TENM2: variants seen among roughly 807,000 people sequenced by gnomAD.
The protein encoded by TENM2 is teneurin-2.
In TENM2, 52 loss-of-function variants were observed where a neutral mutation model predicts 245.2. The observed-to-expected ratio is 0.21, with a 90% CI of 0.17 to 0.27. The LOEUF is 0.27. Ranked by LOEUF, TENM2 falls within the 10% of genes least tolerant of loss-of-function variation. The probability of loss-of-function intolerance (pLI) is 1.00; values close to 1 mark genes in which losing one functional copy is unlikely to be tolerated. For missense variants in TENM2, 3,046 were observed against 3,666.8 expected (o/e 0.83, Z 4.37); for synonymous variants, 1,363 against 1,438.9 (o/e 0.95, Z 1.19).
chr5:167,220,155 C>G, the TENM2 span, among the ~76,000 whole-genome samples: 1 of 152,092 alleles, frequency 6.6e-6, no homozygotes, highest in Non-Finnish European at 1.5e-5. Context: ...ATTTGTTTCC[C>G]CAAAAGTCAG....
At chr5:167,796,213 A>T (rs1765304828) in intron 2 of TENM2, among the ~76,000 whole-genome samples, 1 of 152,118 alleles carries the variant, frequency 6.6e-6, no homozygotes, top group Non-Finnish European at 1.5e-5. Flanking sequence ...GATCCTCTTG[A>T]TATATTCTTC....
chr5:167,828,039 A>G (rs1289534780), intron 2 of TENM2, among the ~76,000 whole-genome samples: 2 of 152,170 alleles, frequency 1.3e-5, no homozygotes, highest in African/African-American at 4.8e-5. Flanking sequence ...TTGCCTCTAC[A>G]TGACATTTAT....
the TENM2 span, among the ~76,000 whole-genome samples, chr5:167,018,449 G>A: frequency 4.6e-5 from 7 of 150,886 alleles, no homozygotes; most frequent in East Asian, 1.4e-3. Flanking sequence ...TAAACCAGAC[G>A]TCATCTCTGA....
intron 5 of TENM2, among the ~76,000 whole-genome samples, chr5:168,031,072 T>C (rs1200535462): frequency 1.3e-5 from 2 of 152,226 alleles, no homozygotes; most frequent in African/African-American, 4.8e-5. Flanking sequence ...ACCACTGATT[T>C]CACATGTGCA....
At chr5:168,243,154 G>T (rs1766259424) in intron 25 of TENM2, among the ~76,000 whole-genome samples, 4 of 152,080 alleles carry the variant, frequency 2.6e-5, no homozygotes, top group Admixed American at 2.0e-4. Context: ...CAGTGAAGTT[G>T]TGAGAGCCTG....
At chr5:167,450,392 G>T (rs1451872877) in intron 2 of TENM2, among the ~76,000 whole-genome samples, 1 of 152,042 alleles carries the variant, frequency 6.6e-6, no homozygotes, top group East Asian at 1.9e-4. Context: ...ATATTTGTTT[G>T]TCTGTTAATG....
At chr5:166,988,219 T>C in the TENM2 span, among the ~76,000 whole-genome samples, 5 of 152,194 alleles carry the variant, frequency 3.3e-5, no homozygotes, top group African/African-American at 1.2e-4. Context: ...TGTACATATC[T>C]CAATTCCAGT....
chr5:168,234,666 A>T (rs1390277740), intron 25 of TENM2, among the ~76,000 whole-genome samples: 1 of 151,886 alleles, frequency 6.6e-6, no homozygotes, highest in Non-Finnish European at 1.5e-5. Context: ...ACTGAAATCA[A>T]CCCCTTCTAT....
intron 7 of TENM2, among the ~76,000 whole-genome samples, chr5:168,078,765 C>T (rs1459242985): frequency 6.6e-6 from 1 of 152,084 alleles, no homozygotes; most frequent in African/African-American, 2.4e-5. Flanking sequence ...TTTCTGAGGG[C>T]TCTATTCTGT....
chr5:167,097,111 A>G, the TENM2 span, among the ~76,000 whole-genome samples: 1 of 152,040 alleles, frequency 6.6e-6, no homozygotes. Flanking sequence ...CGCCCGAGAG[A>G]GTCAAACGCT....
chr5:167,008,829 C>T, the TENM2 span, among the ~76,000 whole-genome samples: 2 of 152,076 alleles, frequency 1.3e-5, no homozygotes, highest in Non-Finnish European at 2.9e-5. Flanking sequence ...TCATGTATAT[C>T]GTTCCTATTT....
chr5:167,281,133 G>T (rs1324327051), upstream of TENM2, among the ~76,000 whole-genome samples: 1 of 149,784 alleles, frequency 6.7e-6, no homozygotes, highest in East Asian at 2.0e-4. Context: ...TTTTGAAATG[G>T]AGTCTCACTC....
chr5:167,977,448 A>G (rs1422085036), intron 4 of TENM2, among the ~76,000 whole-genome samples: 1 of 152,234 alleles, frequency 6.6e-6, no homozygotes. Context: ...TATATAATAC[A>G]TCAAATAAAA....
intron 1 of TENM2, among the ~76,000 whole-genome samples, chr5:167,355,546 A>G (rs1344496191): frequency 1.3e-5 from 2 of 152,198 alleles, no homozygotes; most frequent in East Asian, 3.9e-4. Context: ...TGACACAGGA[A>G]TAGCAGACTT....
intron 2 of TENM2, among the ~76,000 whole-genome samples, chr5:167,814,930 C>T (rs994237577): frequency 1.3e-5 from 2 of 152,056 alleles, no homozygotes; most frequent in Non-Finnish European, 1.5e-5. Flanking sequence ...TGGGAAATGC[C>T]GATGGAGAGA....
At chr5:167,793,807 G>A (rs970134849) in intron 2 of TENM2, among the ~76,000 whole-genome samples, 4 of 151,036 alleles carry the variant, frequency 2.6e-5, no homozygotes, top group African/African-American at 4.9e-5. Context: ...CTGCACTCCA[G>A]CCTGGGTGCA....
chr5:167,834,974 A>G (rs1353481966), intron 2 of TENM2, among the ~76,000 whole-genome samples: 1 of 152,186 alleles, frequency 6.6e-6, no homozygotes, highest in Non-Finnish European at 1.5e-5. Context: ...ATTTCAACTA[A>G]GGGACAAAGT....
chr5:167,060,880 G>A, the TENM2 span, among the ~76,000 whole-genome samples: 1 of 151,948 alleles, frequency 6.6e-6, no homozygotes, highest in Non-Finnish European at 1.5e-5. Context: ...TGGCATATTG[G>A]ACATCACAGG....
At chr5:167,612,571 A>G (rs559060022) in intron 2 of TENM2, among the ~76,000 whole-genome samples, 1 of 152,274 alleles carries the variant, frequency 6.6e-6, no homozygotes, top group South Asian at 2.1e-4. Flanking sequence ...AATAACTTTA[A>G]AAGGTTGTAA....
Sources: gnomAD v4.1 joint callset for allele counts (sites outside exome capture counted in the v4.1 genomes callset) on GRCh38, gnomAD v4.1.1 for gene constraint, MANE v1.5 for transcripts, NCBI Gene and HGNC (gene_info 2026-07-23, HGNC 2026-07-21) for gene names.